Variants in KLHL11 observed in about 807,000 individuals in gnomAD.
The protein encoded by KLHL11 is kelch-like protein 11.
Under a neutral mutation model 56.1 loss-of-function variants are expected in KLHL11, and 26 were observed. That is an observed-to-expected ratio of 0.46 (90% CI 0.34 to 0.64). KLHL11 has a LOEUF of 0.64. Among genes scored for constraint, KLHL11 ranks in the 30% least tolerant of loss-of-function variants. The pLI, the probability that KLHL11 is intolerant of heterozygous loss-of-function variation, is 0.01. For missense variants in KLHL11, 627 were observed against 919.4 expected (o/e 0.68, Z 4.11); for synonymous variants, 338 against 345.8 (o/e 0.98, Z 0.25).
chr17:41,865,267 C>T lies in KLHL11; in HGVS notation c.104G>A (p.Gly35Glu). ...SMETAAAGSA[G>E]LAAEVRGSGT... ...GCTGCCTCGGACCTCGGCGGCCAGT[C>T]CTGCCGAGCCGGCGGCGGCCGTCTC... Residue 35 changes from glycine (G) to glutamate (E), a missense_variant, in exon 1 of 2, where the codon GGA becomes GAA. Gly to Glu is a moderately conservative substitution (Grantham distance 98). Coordinates refer to ENST00000319121, the MANE Select transcript of KLHL11 (RefSeq NM_018143.3). The T allele has an allele frequency of 1.9e-6, 3 of 1,576,620 alleles. No homozygotes were observed. The highest frequency in any genetic ancestry group is 2.6e-6 in the Non-Finnish European group (3 of 1,167,786).
At chr17:41,859,740 G>T (rs558590504) in intron 1 of KLHL11, among the ~76,000 whole-genome samples, 17 of 152,066 alleles carry the variant, frequency 1.1e-4, no homozygotes, top group Non-Finnish European at 2.1e-4. Context: ...ATAGTACAAA[G>T]CATGTGTAGG....
At chr17:41,862,908 T>G (rs1555623174) in intron 1 of KLHL11, among the ~76,000 whole-genome samples, 1 of 152,166 alleles carries the variant, frequency 6.6e-6, no homozygotes, top group Non-Finnish European at 1.5e-5. Flanking sequence ...CTGATCTTAC[T>G]CCCAAACAGG....
rs1223601071 is a variant in KLHL11, at chr17:41,849,144, T to C, written c.*4596A>G. On this transcript the variant is annotated 3_prime_UTR_variant, in exon 2 of 2. Coordinates refer to ENST00000319121, the MANE Select transcript of KLHL11 (RefSeq NM_018143.3). ...ACTGGAGTGATGAACTGTGCCAAAA[T>C]GTTTGAGAGACTGAATTGTTTCTCA... The C allele has an allele frequency of 6.6e-6, 1 of 152,290 alleles. No individual in the cohort carries two copies. The highest frequency in any genetic ancestry group is 1.5e-5 in the Non-Finnish European group (1 of 68,028). 9.4% of individuals were successfully genotyped at this position (152,290 alleles called of 1,614,324 possible). A position where few individuals can be genotyped will look rare whatever the true frequency, so the allele number is the denominator to read the frequency against.
chr17:41,864,616 T>C (rs1294892625), intron 1 of KLHL11, among the ~76,000 whole-genome samples: 1 of 152,270 alleles, frequency 6.6e-6, no homozygotes, highest in Admixed American at 6.5e-5. Flanking sequence ...CTGAGCTCCT[T>C]GGGCGCGGGG....
rs540223512 is a variant in KLHL11, at chr17:41,865,332, GGCCGCCGCC to G, written c.30_38del (p.Ala14_Ala16del). ...CCAGTACCTGAAGAGATGCAGCCGC[GGCCGCCGCC>G]GCCGCCGCCGCCACTGCCGCAGCCG... On this transcript the variant is annotated inframe_deletion, in exon 1 of 2. Coordinates refer to ENST00000319121, the MANE Select transcript of KLHL11 (RefSeq NM_018143.3). The G allele has an allele frequency of 2.7e-5, 39 of 1,442,206 alleles. No individual in the cohort carries two copies. The highest frequency in any genetic ancestry group is 4.1e-4 in the Middle Eastern group (2 of 4,822). 89.3% of individuals were successfully genotyped at this position (1,442,206 alleles called of 1,614,324 possible).
At chr17:41,860,339 T>A (rs1485269984) in intron 1 of KLHL11, among the ~76,000 whole-genome samples, 2 of 130,096 alleles carry the variant, frequency 1.5e-5, no homozygotes, top group African/African-American at 5.8e-5. Context: ...ATATTTCTGA[T>A]CCTTACAAAT....
chr17:41,854,852 C>T lies in KLHL11; in HGVS notation c.1015G>A (p.Gly339Ser). The change falls in exon 2 of 2, where the codon GGC (glycine) becomes AGC (serine). Residue 339 changes from glycine to serine, a missense_variant. This residue lies in a region of KLHL11 where 106 missense variants were observed against 227.0 expected (regional missense o/e 0.47). Coordinates refer to ENST00000319121, the MANE Select transcript of KLHL11 (RefSeq NM_018143.3). This position sits in a 1 kb window ranked among gnomAD's most constrained non-coding sequence, Gnocchi z 4.9. ...HALRAENIQS[G>S]TCQHPTSHVS... ...TGAGAAGTGGGGTGCTGGCATGTGC[C>T]AGATTGTATATTCTCAGCTCTCAGA... 1 of 1,614,204 alleles carries T rather than the reference C, an allele frequency of 6.2e-7. No individual in the cohort carries two copies. The highest frequency in any genetic ancestry group is 8.5e-7 in the Non-Finnish European group (1 of 1,180,042).
rs781843945 is a variant in KLHL11 at position 41,865,316 on chromosome 17, G to A, written c.55C>T (p.Gln19Ter). The A allele has an allele frequency of 2.6e-6, 4 of 1,515,930 alleles. No homozygotes were observed. Among genetic ancestry groups the A allele is most frequent in the Non-Finnish European group, 3.5e-6 (4 of 1,147,940 alleles). The allele number at this position is 1,515,930 out of a possible 1,614,324, so 93.9% of individuals were successfully genotyped here. Residue 19 changes from glutamine to a stop codon, truncating the protein, a stop_gained, in exon 1 of 2, where the codon CAG becomes TAG. Coordinates refer to ENST00000319121, the MANE Select transcript of KLHL11 (RefSeq NM_018143.3). LOFTEE classifies it high-confidence loss of function. ...AAAAAAAASL[Q>*]VLEMESMETA... is the part of the protein sequence containing the mutation. ...TCCATGCTCTCCATCTCCAGTACCT[G>A]AAGAGATGCAGCCGCGGCCGCCGCC...
In KLHL11 at chr17:41,850,586, C is replaced by T. The variant is rs782503049; in HGVS notation, c.*3154G>A. On this transcript the variant is annotated 3_prime_UTR_variant, in exon 2 of 2. Transcript: ENST00000319121. ...AATTATTTAAATACAATCAAGAAAACGAAGTTTGCTAGCACAGTCTGTTGG... is the reference window on the plus strand; with the variant it reads ...AATTATTTAAATACAATCAAGAAAATGAAGTTTGCTAGCACAGTCTGTTGG... 2 of 152,144 alleles carry T rather than the reference C, an allele frequency of 1.3e-5. No individual in the cohort carries two copies. The highest frequency in any genetic ancestry group is 6.6e-5 in the Admixed American group (1 of 15,266). 9.4% of individuals were successfully genotyped at this position (152,144 alleles called of 1,614,324 possible).
intron 1 of KLHL11, among the ~76,000 whole-genome samples, chr17:41,858,407 T>TAA (rs782417767): frequency 1.4e-5 from 1 of 73,396 alleles, no homozygotes; most frequent in African/African-American, 5.3e-5. Context: ...TATATATATT[T>TAA]TTTGTTGTTG....
chr17:41,861,761 C>G (rs2048404882), intron 1 of KLHL11, among the ~76,000 whole-genome samples: 1 of 150,854 alleles, frequency 6.6e-6, no homozygotes, highest in Non-Finnish European at 1.5e-5. Context: ...GATCACCCCT[C>G]TTCCATCCCG....
intron 1 of KLHL11, among the ~76,000 whole-genome samples, chr17:41,855,565 T>C (rs1362285230): frequency 6.6e-6 from 1 of 152,182 alleles, no homozygotes; most frequent in Non-Finnish European, 1.5e-5. Flanking sequence ...AGACAGGGTT[T>C]CACCATATTG....
intron 1 of KLHL11, among the ~76,000 whole-genome samples, chr17:41,861,998 A>T (rs1018657707): frequency 2.0e-5 from 3 of 152,036 alleles, no homozygotes; most frequent in Non-Finnish European, 4.4e-5. Context: ...TGCAACCATC[A>T]CTAATGGGTT....
chr17:41,852,792 A>C lies in KLHL11; in HGVS notation c.*948T>G, dbSNP rs2048339701. 6.6e-6 allele frequency among the ~76,000 whole-genome samples: 1 copy of C among 152,126 alleles called. No individual in the cohort carries two copies. The highest frequency in any genetic ancestry group is 6.6e-5 in the Admixed American group (1 of 15,258). On this transcript the variant is annotated 3_prime_UTR_variant, in exon 2 of 2. Transcript: ENST00000319121. ...GGCAACATGAGCAAAAAAAAAAAAA[A>C]AAAGAGAAAAGGAATAATGAAGATT... is the stretch of plus-strand genomic sequence containing the variant.
At position 41,864,918 on chromosome 17, in the gene KLHL11, G is replaced by A. The variant is rs781882433; in HGVS notation, c.453C>T (p.Pro151=). 57 of 1,610,588 alleles carry A rather than the reference G, an allele frequency of 3.5e-5. No individual in the cohort carries two copies. Among genetic ancestry groups the A allele is most frequent in the Non-Finnish European group, 3.1e-5 (37 of 1,178,864 alleles). ...ACTCGATTACGGCTTCCACTGTGTC[G>A]GGTTCGGGCCCCGGCTCGGAGCTCC... ...RKWSSEPGPE[P]DTVEAVIEYM... is the part of the protein sequence containing the mutation. The change falls in exon 1 of 2, where the codon CCC becomes CCT. Residue 151 remains proline (P), a synonymous_variant. Coordinates refer to ENST00000319121, the MANE Select transcript of KLHL11 (RefSeq NM_018143.3).
Position 41,850,459 on chromosome 17 carries a change from A to C in KLHL11, c.*3281T>G, listed in dbSNP as rs1555621934. The stretch of plus-strand genomic sequence containing the variant: ...GATGTGAAAAAAACACAACCCCACA[A>C]ATGACTTGGTAATAATTATCTCAGA... On this transcript the variant is annotated 3_prime_UTR_variant, in exon 2 of 2. Coordinates refer to ENST00000319121, the MANE Select transcript of KLHL11 (RefSeq NM_018143.3). The C allele has an allele frequency of 1.3e-5, 2 of 152,180 alleles. No individual in the cohort carries two copies. The highest frequency in any genetic ancestry group is 2.4e-5 in the African/African-American group (1 of 41,446). The allele number at this position is 152,180 out of a possible 1,614,324, so 9.4% of individuals were successfully genotyped here.
intron 1 of KLHL11, among the ~76,000 whole-genome samples, chr17:41,857,941 C>T (rs536563378): frequency 1.3e-5 from 2 of 152,168 alleles, no homozygotes; most frequent in South Asian, 2.1e-4. Flanking sequence ...CTCAGCCTCC[C>T]GAGTAGCTGG....
intron 1 of KLHL11, among the ~76,000 whole-genome samples, chr17:41,862,889 CAAA>C (rs1417583757): frequency 6.6e-6 from 1 of 152,128 alleles, no homozygotes; most frequent in Non-Finnish European, 1.5e-5. Flanking sequence ...TAACCAAATC[CAAA>C]AACTCCTGAT....
chr17:41,855,166 T>C lies in KLHL11; in HGVS notation c.701A>G (p.Lys234Arg), dbSNP rs2048357083. The C allele has an allele frequency of 1.9e-6, 3 of 1,614,070 alleles. No homozygotes were observed. Among genetic ancestry groups the C allele is most frequent in the Non-Finnish European group, 2.5e-6 (3 of 1,180,038 alleles). The change falls in exon 2 of 2, where the codon AAA becomes AGA. Residue 234 changes from lysine to arginine, a missense_variant. Lys to Arg is a conservative substitution (Grantham distance 26). This residue lies in a region of KLHL11 where 150 missense variants were observed against 215.7 expected (regional missense o/e 0.70). Transcript: ENST00000319121. ...ATAAAATTCTTCATCCTGAATCACTTTGTGGAAATTTCTCCGTATCATATC... is the reference window on the plus strand; with the variant it reads ...ATAAAATTCTTCATCCTGAATCACTCTGTGGAAATTTCTCCGTATCATATC... ...AADMIRRNFH[K>R]VIQDEEFYTL...
Sources: allele counts gnomAD v4.1 joint callset (sites outside exome capture counted in the v4.1 genomes callset), GRCh38; gene constraint gnomAD v4.1.1; regional missense constraint gnomAD v4.1.1; non-coding constraint Gnocchi (gnomAD v3.1); transcripts MANE v1.5; gene names NCBI Gene and HGNC (gene_info 2026-07-23, HGNC 2026-07-21).